The following ST8SIA2 variants were observed in gnomAD, a reference collection of about 807,000 sequenced individuals.
ST8SIA2 encodes ST8 alpha-N-acetyl-neuraminide alpha-2,8-sialyltransferase 2.
ST8SIA2 carries 22 observed loss-of-function variants against 37.6 expected under a neutral mutation model. The observed-to-expected ratio is 0.58, with a 90% CI of 0.42 to 0.83. The LOEUF (loss-of-function observed/expected upper bound fraction) is 0.83, where lower values mean the gene tolerates loss of function less well. Among genes scored for constraint, ST8SIA2 ranks in the 40% least tolerant of loss-of-function variants. The pLI is 0.00. For missense variants in ST8SIA2, 382 were observed against 484.7 expected (o/e 0.79, Z 1.99); for synonymous variants, 205 against 201.2 (o/e 1.02, Z -0.16).
At chr15:92,445,700 G>A (rs1373909541) in intron 5 of ST8SIA2, among the ~76,000 whole-genome samples, 2 of 152,304 alleles carry the variant, frequency 1.3e-5, no homozygotes, top group East Asian at 3.9e-4. Context: ...ATTAGGTAAG[G>A]ATTTTCCTGG....
At chr15:92,436,896 C>T (rs1441290502) in intron 3 of ST8SIA2, among the ~76,000 whole-genome samples, 3 of 152,138 alleles carry the variant, frequency 2.0e-5, no homozygotes, top group African/African-American at 4.8e-5. Context: ...TAAAGTCACC[C>T]GGGGAGCTTT....
intron 1 of ST8SIA2, among the ~76,000 whole-genome samples, chr15:92,395,359 G>T (rs925335000): frequency 6.6e-6 from 1 of 152,180 alleles, no homozygotes; most frequent in Non-Finnish European, 1.5e-5. Flanking sequence ...CACACTGTCA[G>T]TCCCTCAAAT....
chr15:92,432,220 A>G (rs2049721211), intron 2 of ST8SIA2, among the ~76,000 whole-genome samples: 1 of 152,162 alleles, frequency 6.6e-6, no homozygotes, highest in African/African-American at 2.4e-5. Context: ...CTCATCACCA[A>G]CATTAAAGCA....
intron 1 of ST8SIA2, among the ~76,000 whole-genome samples, chr15:92,418,003 C>T (rs1049685337): frequency 6.6e-6 from 1 of 152,094 alleles, no homozygotes; most frequent in Non-Finnish European, 1.5e-5. Flanking sequence ...AAGGGCAGGA[C>T]GCAGGGGGCC....
intron 2 of ST8SIA2, among the ~76,000 whole-genome samples, chr15:92,430,332 G>C (rs2049706296): frequency 6.6e-6 from 1 of 152,176 alleles, no homozygotes; most frequent in Non-Finnish European, 1.5e-5. Flanking sequence ...AATGCAGATG[G>C]GTAAGAGTCA....
chr15:92,418,704 T>C (rs573014098), intron 1 of ST8SIA2, among the ~76,000 whole-genome samples: 99 of 152,222 alleles, frequency 6.5e-4, no homozygotes, highest in Middle Eastern at 6.8e-3. Context: ...TTTGAAAATA[T>C]ATATGTATAT....
chr15:92,424,421 G>C (rs2049659762), intron 1 of ST8SIA2, among the ~76,000 whole-genome samples: 1 of 152,110 alleles, frequency 6.6e-6, no homozygotes, highest in Non-Finnish European at 1.5e-5. Context: ...AATTGGGCTT[G>C]GATGAAGAGG....
chr15:92,395,978 T>G (rs561256685), intron 1 of ST8SIA2, among the ~76,000 whole-genome samples: 154 of 152,242 alleles, frequency 1.0e-3, no homozygotes, highest in Non-Finnish European at 1.7e-3. Flanking sequence ...CACATAATGT[T>G]GCACTTTCTT....
chr15:92,436,315 C>G (rs2049758308), intron 3 of ST8SIA2, among the ~76,000 whole-genome samples: 1 of 152,076 alleles, frequency 6.6e-6, no homozygotes, highest in Admixed American at 6.5e-5. Flanking sequence ...ATGTCCCTTT[C>G]TCCAACCATT....
In ST8SIA2 at chr15:92,395,025, G is replaced by A. The variant is rs78882816; in HGVS notation, c.98+863G>A. Reference sequence around the variant, plus strand: ...GGACTTCCTGGAGTGCGCACTTGAGGCGCGGGACGCACCGGCTGTGTGTCC... The same window carrying A: ...GGACTTCCTGGAGTGCGCACTTGAGACGCGGGACGCACCGGCTGTGTGTCC... On this transcript the variant is annotated intron_variant, in intron 1 of 5. Transcript: ENST00000268164. 6.3e-3 allele frequency among the ~76,000 whole-genome samples: 958 copies of A among 152,220 alleles called. 11 individuals are homozygous for A. The highest frequency in any genetic ancestry group is 0.021 in the African/African-American group (892 of 41,552).
intron 5 of ST8SIA2, among the ~76,000 whole-genome samples, chr15:92,459,821 ACCTCAGGTGATCCGCCCG>A (rs2049945196): frequency 6.6e-6 from 1 of 152,130 alleles, no homozygotes; most frequent in African/African-American, 2.4e-5. Flanking sequence ...CCAACTCCTG[ACCTCAGGTGATCCGCCCG>A]CCTCAGCCTC....
At chr15:92,443,432 T>G (rs982892858) in intron 4 of ST8SIA2, among the ~76,000 whole-genome samples, 1 of 152,220 alleles carries the variant, frequency 6.6e-6, no homozygotes, top group South Asian at 2.1e-4. Flanking sequence ...GCAGCCTGAT[T>G]GTCAGCATGA....
intron 1 of ST8SIA2, among the ~76,000 whole-genome samples, chr15:92,423,913 G>A (rs1049503788): frequency 6.6e-6 from 1 of 152,086 alleles, no homozygotes; most frequent in Non-Finnish European, 1.5e-5. Context: ...AAAAGCCTTC[G>A]ACCACTGTTG....
chr15:92,457,303 G>A (rs189424597), intron 5 of ST8SIA2, among the ~76,000 whole-genome samples: 5 of 152,300 alleles, frequency 3.3e-5, no homozygotes, highest in Admixed American at 2.0e-4. Context: ...AACAGTGACA[G>A]CCACTATTCT....
intron 1 of ST8SIA2, among the ~76,000 whole-genome samples, chr15:92,407,549 T>C (rs1212315406): frequency 6.6e-6 from 1 of 152,200 alleles, no homozygotes; most frequent in Non-Finnish European, 1.5e-5. Flanking sequence ...AGTTGGCGTA[T>C]GCAGTCACAG....
At chr15:92,424,328 T>C (rs1330388778) in intron 1 of ST8SIA2, among the ~76,000 whole-genome samples, 1 of 152,144 alleles carries the variant, frequency 6.6e-6, no homozygotes, top group African/African-American at 2.4e-5. Context: ...GGTGTATATA[T>C]CAAAATATCA....
intron 5 of ST8SIA2, among the ~76,000 whole-genome samples, chr15:92,462,747 A>G (rs2049966364): frequency 1.3e-5 from 2 of 152,222 alleles, no homozygotes; most frequent in African/African-American, 4.8e-5. Flanking sequence ...TAGAGACACA[A>G]TGGTAAGAAA....
At chr15:92,403,957 C>T (rs1042089544) in intron 1 of ST8SIA2, among the ~76,000 whole-genome samples, 3 of 152,220 alleles carry the variant, frequency 2.0e-5, no homozygotes, top group Non-Finnish European at 4.4e-5. Context: ...AAGGCAGCAA[C>T]GTGCTGACAG....
At chr15:92,458,730 G>A (rs1055233117) in intron 5 of ST8SIA2, among the ~76,000 whole-genome samples, 3 of 152,176 alleles carry the variant, frequency 2.0e-5, no homozygotes, top group East Asian at 1.9e-4. Context: ...ACTGGTGCAC[G>A]GGTGACCACA....
Sources: gnomAD v4.1 joint callset for allele counts (sites outside exome capture counted in the v4.1 genomes callset) on GRCh38, gnomAD v4.1.1 for gene constraint, MANE v1.5 for transcripts, NCBI Gene and HGNC (gene_info 2026-07-23, HGNC 2026-07-21) for gene names.